The following SPECC1L variants were observed in gnomAD, a reference collection of about 807,000 sequenced individuals.
The protein encoded by SPECC1L is sperm antigen with calponin homology and coiled-coil domains 1 like, also known as cytospin-A.
Under a neutral mutation model 116.8 loss-of-function variants are expected in SPECC1L, and 40 were observed. That is an observed-to-expected ratio of 0.34 (90% CI 0.27 to 0.45). The LOEUF (loss-of-function observed/expected upper bound fraction) is 0.45, where lower values mean the gene tolerates loss of function less well. Ranked by LOEUF, SPECC1L falls within the 20% of genes least tolerant of loss-of-function variation. SPECC1L has a pLI of 1.00. For synonymous variants in SPECC1L, 504 were observed against 500.6 expected (o/e 1.01, Z -0.09); for missense variants, 1,110 against 1,373.6 (o/e 0.81, Z 3.03).
At chr22:24,324,069 A>G (rs763684637) in intron 5 of SPECC1L, 151 bp from the exon 6 acceptor site, 143 of 665,850 alleles carry the variant, frequency 2.1e-4, no homozygotes, top group Non-Finnish European at 3.7e-4. Flanking sequence ...GTGCTTTTTC[A>G]TACTTTTTAA....
chr22:24,364,964 T>TA (rs2146629735), intron 12 of SPECC1L, among the ~76,000 whole-genome samples: 1 of 152,286 alleles, frequency 6.6e-6, no homozygotes, highest in East Asian at 1.9e-4. Context: ...AATATGGAGT[T>TA]CAGTGCATAT....
At chr22:24,388,654 T>C (rs1486093418) in intron 14 of SPECC1L, among the ~76,000 whole-genome samples, 1 of 152,174 alleles carries the variant, frequency 6.6e-6, no homozygotes, top group African/African-American at 2.4e-5. Context: ...CCCTGAGGAA[T>C]CGCCAAACTG....
chr22:24,295,533 T>C (rs1342008620), intron 2 of SPECC1L, among the ~76,000 whole-genome samples: 2 of 152,010 alleles, frequency 1.3e-5, no homozygotes, highest in South Asian at 4.1e-4. Flanking sequence ...CTAAGAATTT[T>C]ACTTTTACAG....
intron 3 of SPECC1L, among the ~76,000 whole-genome samples, chr22:24,305,834 C>A (rs770173211): frequency 1.4e-4 from 21 of 152,140 alleles, no homozygotes; most frequent in Non-Finnish European, 2.6e-4. Context: ...TTACTCCTTT[C>A]ATGTTAAGCA....
intron 4 of SPECC1L, among the ~76,000 whole-genome samples, chr22:24,319,730 G>C (rs951476916): frequency 2.0e-5 from 3 of 152,086 alleles, no homozygotes; most frequent in African/African-American, 7.2e-5. Context: ...CTTTTTGCCA[G>C]CCTGAATTCC....
intron 2 of SPECC1L, among the ~76,000 whole-genome samples, chr22:24,294,507 A>G (rs111648167): frequency 1.4e-4 from 21 of 150,134 alleles, no homozygotes; most frequent in African/African-American, 3.2e-4. Context: ...TCAGCCTCCC[A>G]ATTAGCTGGG....
intron 2 of SPECC1L, among the ~76,000 whole-genome samples, chr22:24,301,437 G>A (rs1365658650): frequency 1.3e-5 from 2 of 152,104 alleles, no homozygotes; most frequent in African/African-American, 4.8e-5. Flanking sequence ...TTGAAAATAC[G>A]TTTATTATAC....
intron 10 of SPECC1L, chr22:24,343,522 G>A (rs1441154506): frequency 1.6e-5 from 7 of 443,618 alleles, no homozygotes; most frequent in African/African-American, 6.1e-5. Flanking sequence ...ATGCAGTGGC[G>A]TGACCTTGGC....
intron 14 of SPECC1L, among the ~76,000 whole-genome samples, chr22:24,379,597 G>A (rs1314683820): frequency 1.3e-5 from 2 of 152,018 alleles, no homozygotes; most frequent in Non-Finnish European, 2.9e-5. Flanking sequence ...AAAATGCAGG[G>A]GGAAATATGA....
At chr22:24,357,052 C>T (rs943201551) in intron 11 of SPECC1L, among the ~76,000 whole-genome samples, 20 of 53,796 alleles carry the variant, frequency 3.7e-4, no homozygotes, top group African/African-American at 1.5e-3. Flanking sequence ...CTCTAATAAT[C>T]CCCTGGGGGG....
chr22:24,371,202 C>T (rs1195965002), intron 14 of SPECC1L, among the ~76,000 whole-genome samples: 1 of 152,174 alleles, frequency 6.6e-6, no homozygotes, highest in Non-Finnish European at 1.5e-5. Context: ...GACCTAAAGA[C>T]ATTATACAAC....
intron 5 of SPECC1L, among the ~76,000 whole-genome samples, chr22:24,323,689 G>C (rs1036772529): frequency 1.3e-5 from 2 of 152,166 alleles, no homozygotes; most frequent in African/African-American, 4.8e-5. Context: ...GCTAAAATTT[G>C]AGTAATTTAG....
At chr22:24,372,934 A>C (rs561722980) in intron 14 of SPECC1L, among the ~76,000 whole-genome samples, 1 of 152,250 alleles carries the variant, frequency 6.6e-6, no homozygotes, top group South Asian at 2.1e-4. Context: ...AAGTCTCAGG[A>C]TACAAAATCA....
At chr22:24,365,681 T>G in intron 13 of SPECC1L, 49 bp downstream of exon 13, 1 of 1,597,086 alleles carries the variant, frequency 6.3e-7, no homozygotes, top group Non-Finnish European at 8.6e-7. Context: ...TTTCCTGGCC[T>G]TTTGACAGTA....
intron 13 of SPECC1L, 79 bp downstream of exon 13, chr22:24,365,711 G>A: frequency 6.6e-7 from 1 of 1,518,922 alleles, no homozygotes; most frequent in South Asian, 1.1e-5. Flanking sequence ...GTTGTAAAAT[G>A]ATGGCATTTG....
chr22:24,306,861 G>T (rs1269448541), intron 3 of SPECC1L, among the ~76,000 whole-genome samples: 1 of 152,084 alleles, frequency 6.6e-6, no homozygotes. Flanking sequence ...CTGTCTCTAT[G>T]AATTTCACTG....
chr22:24,333,416 A>G (rs2040979275), intron 8 of SPECC1L, among the ~76,000 whole-genome samples: 2 of 152,162 alleles, frequency 1.3e-5, no homozygotes, highest in Non-Finnish European at 2.9e-5. Flanking sequence ...TTGTAATCTC[A>G]TTCCAGATGA....
chr22:24,376,329 A>G (rs1207970312), intron 14 of SPECC1L, among the ~76,000 whole-genome samples: 1 of 152,204 alleles, frequency 6.6e-6, no homozygotes, highest in Non-Finnish European at 1.5e-5. Flanking sequence ...TCCAGCTTAT[A>G]TCTAGAAAAC....
intron 10 of SPECC1L, among the ~76,000 whole-genome samples, chr22:24,338,851 C>T (rs543119712): frequency 1.3e-5 from 2 of 152,168 alleles, no homozygotes; most frequent in African/African-American, 4.8e-5. Flanking sequence ...AGTAACTTGC[C>T]GAGGTTCATG....
Sources: allele counts gnomAD v4.1 joint callset (sites outside exome capture counted in the v4.1 genomes callset), GRCh38; gene constraint gnomAD v4.1.1; transcripts MANE v1.5; gene names NCBI Gene and HGNC (gene_info 2026-07-23, HGNC 2026-07-21).